The following FBXL4 variants were observed in gnomAD, a reference collection of about 807,000 sequenced individuals.
The protein encoded by FBXL4 is F-box and leucine rich repeat protein 4.
FBXL4 carries 40 observed loss-of-function variants against 58.9 expected under a neutral mutation model. The ratio of observed to expected loss-of-function variants is 0.68; its 90% CI spans 0.53 to 0.88. The LOEUF (loss-of-function observed/expected upper bound fraction) is 0.88, where lower values mean the gene tolerates loss of function less well. Among genes scored for constraint, FBXL4 ranks in the 40% least tolerant of loss-of-function variants. The probability of loss-of-function intolerance (pLI) is 0.00; values close to 1 mark genes in which losing one functional copy is unlikely to be tolerated. For missense variants in FBXL4, 676 were observed against 734.4 expected (o/e 0.92, Z 0.92); for synonymous variants, 263 against 265.5 (o/e 0.99, Z 0.09).
chr6:98,884,917 C>T (rs112297894), intron 7 of FBXL4, among the ~76,000 whole-genome samples: 3 of 152,266 alleles, frequency 2.0e-5, no homozygotes, highest in African/African-American at 4.8e-5. Context: ...ATATGCTTTC[C>T]TTCCAGAGGT....
chr6:98,943,537 A>C (rs1268340201), intron 1 of FBXL4, among the ~76,000 whole-genome samples: 1 of 141,666 alleles, frequency 7.1e-6, no homozygotes, highest in African/African-American at 2.7e-5. Context: ...TACACATTAC[A>C]CCACTGCACT....
In FBXL4 at chr6:98,917,421, G is replaced by A; in HGVS notation, c.811C>T (p.Leu271Phe). The change falls in exon 5 of 10, where the codon CTC becomes TTC. Residue 271 changes from leucine (L) to phenylalanine (F), a missense_variant. Coordinates refer to ENST00000369244, the MANE Select transcript of FBXL4 (RefSeq NM_001278716.2). ...TACCCATTATTTGGCCCTTCCCCGA[G>A]GACAGCACTGCTAAACTTTTTGTTA... ...SLNKKFSSAV[L>F]GEGPNNGYFD... 2 of 1,613,402 alleles carry A rather than the reference G, an allele frequency of 1.2e-6. No individual in the cohort carries two copies. The highest frequency in any genetic ancestry group is 1.1e-5 in the South Asian group (1 of 90,926).
intron 4 of FBXL4, among the ~76,000 whole-genome samples, chr6:98,920,178 A>G (rs1772526109): frequency 6.6e-6 from 1 of 152,214 alleles, no homozygotes; most frequent in South Asian, 2.1e-4. Context: ...ATTAGAACAT[A>G]AATATTCAAT....
chr6:98,939,810 G>A (rs1216640861), intron 1 of FBXL4, among the ~76,000 whole-genome samples: 1 of 152,202 alleles, frequency 6.6e-6, no homozygotes, highest in Non-Finnish European at 1.5e-5. Context: ...AAATACGTGA[G>A]AATCACAAGA....
chr6:98,887,988 C>T (rs561006715), intron 7 of FBXL4, among the ~76,000 whole-genome samples: 16 of 152,186 alleles, frequency 1.1e-4, no homozygotes, highest in Non-Finnish European at 2.2e-4. Context: ...TCCAGTTAAC[C>T]CGTTTCCTCC....
intron 1 of FBXL4, among the ~76,000 whole-genome samples, chr6:98,936,037 T>A (rs1773205493): frequency 6.6e-6 from 1 of 152,130 alleles, no homozygotes. Context: ...TACATTAACA[T>A]AGAGAACATT....
At chr6:98,916,260 G>A (rs568182097) in intron 5 of FBXL4, among the ~76,000 whole-genome samples, 54 of 152,202 alleles carry the variant, frequency 3.5e-4, no homozygotes, top group South Asian at 3.5e-3. Flanking sequence ...TCAGTGTGGC[G>A]ATTCCTCAGG....
intron 4 of FBXL4, among the ~76,000 whole-genome samples, chr6:98,920,433 A>G (rs1280421632): frequency 6.6e-6 from 1 of 152,166 alleles, no homozygotes; most frequent in Non-Finnish European, 1.5e-5. Context: ...TCAGGATTGT[A>G]TCTGTTTTTA....
At chr6:98,913,246 T>G (rs1215348417) in intron 5 of FBXL4, among the ~76,000 whole-genome samples, 1 of 152,134 alleles carries the variant, frequency 6.6e-6, no homozygotes, top group Non-Finnish European at 1.5e-5. Context: ...AACACCCCAC[T>G]GTCAACATTA....
chr6:98,938,767 T>C (rs1562252403), intron 1 of FBXL4, among the ~76,000 whole-genome samples: 1 of 151,790 alleles, frequency 6.6e-6, no homozygotes, highest in Non-Finnish European at 1.5e-5. Flanking sequence ...TTTTCCAGAA[T>C]AGGGCACTTT....
chr6:98,883,775 C>T (rs763060693), intron 7 of FBXL4, among the ~76,000 whole-genome samples: 5 of 151,214 alleles, frequency 3.3e-5, no homozygotes, highest in Non-Finnish European at 5.9e-5. Context: ...CCTGCACCAA[C>T]ATTTCTGTCT....
intron 4 of FBXL4, among the ~76,000 whole-genome samples, chr6:98,920,840 AC>A (rs1420983078): frequency 2.0e-5 from 3 of 151,836 alleles, no homozygotes; most frequent in East Asian, 3.8e-4. Context: ...ACACACACAC[AC>A]ACACACACAC....
At chr6:98,882,785 A>C (rs893047424) in intron 7 of FBXL4, among the ~76,000 whole-genome samples, 8 of 152,240 alleles carry the variant, frequency 5.3e-5, no homozygotes, top group Non-Finnish European at 2.9e-5. Flanking sequence ...AGCATATAAT[A>C]TTAACATTAG....
chr6:98,926,293 T>A (rs181412066), intron 4 of FBXL4, among the ~76,000 whole-genome samples, 184 bp downstream of exon 4: 17 of 152,270 alleles, frequency 1.1e-4, no homozygotes, highest in African/African-American at 3.9e-4. Context: ...GTATTACAGG[T>A]ATAAAGCCTG....
intron 1 of FBXL4, among the ~76,000 whole-genome samples, chr6:98,942,624 G>GA (rs1168433117): frequency 6.6e-6 from 1 of 152,124 alleles, no homozygotes; most frequent in Non-Finnish European, 1.5e-5. Context: ...AGGCCTCGCA[G>GA]AAGCCTAGCA....
At chr6:98,889,374 C>A (rs1056588715) in intron 7 of FBXL4, among the ~76,000 whole-genome samples, 1 of 152,092 alleles carries the variant, frequency 6.6e-6, no homozygotes, top group African/African-American at 2.4e-5. Flanking sequence ...AGTGAAGCTT[C>A]CAAATACTCA....
chr6:98,920,452 T>TA (rs1772535952), intron 4 of FBXL4, among the ~76,000 whole-genome samples: 1 of 152,090 alleles, frequency 6.6e-6, no homozygotes, highest in Non-Finnish European at 1.5e-5. Context: ...TAGAAAGATT[T>TA]AAAAATATGT....
In FBXL4 at chr6:98,911,121, G is replaced by T. The variant is rs553289385; in HGVS notation, c.859-5451C>A. Among the ~76,000 whole-genome samples the T allele has an allele frequency of 1.2e-4, 19 of 152,362 alleles. No homozygotes were observed. The South Asian group carries it at 3.3e-3, about 27-fold the overall frequency. ...CAAACTGCAAGGTGGCAGCCTGGAT[G>T]GGGGAGGGGCGCCTGCCATTGCCCA... On this transcript the variant is annotated intron_variant, in intron 5 of 9. Transcript: ENST00000369244.
intron 5 of FBXL4, among the ~76,000 whole-genome samples, chr6:98,913,426 G>T (rs1156694580): frequency 2.0e-5 from 3 of 152,142 alleles, no homozygotes; most frequent in African/African-American, 7.2e-5. Flanking sequence ...ATAGTTGGAA[G>T]TAAACCACTC....
Sources: allele counts gnomAD v4.1 joint callset (sites outside exome capture counted in the v4.1 genomes callset), GRCh38; gene constraint gnomAD v4.1.1; transcripts MANE v1.5; gene names NCBI Gene and HGNC (gene_info 2026-07-23, HGNC 2026-07-21).